Variants in MATN1 observed in about 807,000 individuals in gnomAD.
The protein encoded by MATN1 is matrilin-1.
In MATN1, 34 loss-of-function variants were observed where a neutral mutation model predicts 41.3. The ratio of observed to expected loss-of-function variants is 0.82; its 90% CI spans 0.63 to 1.10. MATN1 has a LOEUF of 1.10. Among genes scored for constraint, MATN1 ranks in the 50% least tolerant of loss-of-function variants. The pLI, the probability that MATN1 is intolerant of heterozygous loss-of-function variation, is 0.00. For missense variants in MATN1, 602 were observed against 662.4 expected, an observed-to-expected ratio of 0.91 and a Z score of 1.00; for synonymous variants, 264 against 278.7, an observed-to-expected ratio of 0.95 and a Z score of 0.53.
At chr1:30,718,058 T>A (rs1329177277) in intron 3 of MATN1, among the ~76,000 whole-genome samples, 2 of 151,926 alleles carry the variant, frequency 1.3e-5, no homozygotes, top group Non-Finnish European at 2.9e-5. Flanking sequence ...CCCCTGGTGC[T>A]GGCACCACCT....
intron 1 of MATN1, 145 bp from the exon 2 acceptor site, chr1:30,721,896 T>C: frequency 1.6e-6 from 1 of 640,078 alleles, no homozygotes; most frequent in Non-Finnish European, 2.7e-6. Flanking sequence ...AGCTGAGCCC[T>C]TTTATCAACA....
chr1:30,714,460 G>T, intron 6 of MATN1, 133 bp from the exon 7 acceptor site: 3 of 706,648 alleles, frequency 4.2e-6, no homozygotes, highest in Non-Finnish European at 5.1e-6. Flanking sequence ...ACCTGAGGAG[G>T]CAGAAAGATA....
rs776268380 is a variant in MATN1, at chr1:30,721,641, C to T, written c.205G>A (p.Glu69Lys). 12 of 1,613,380 alleles carry T rather than the reference C, an allele frequency of 7.4e-6. No individual in the cohort carries two copies. The Admixed American group carries it at 8.3e-5, about 11-fold the overall frequency. Residue 69 changes from glutamate (E) to lysine (K), a missense_variant, in exon 2 of 8, where the codon GAG (glutamate) becomes AAG (lysine). Physicochemically the swap from Glu to Lys is moderately conservative, Grantham distance 56. Transcript: ENST00000373765. ...KVKVFLSQVI[E>K]SLDVGPNATR... ...GCATTGGGCCCCACGTCCAGCGACT[C>T]GATGACCTGGGACAGGAATACCTTC...
At chr1:30,722,648 A>T (rs1459193866) in intron 1 of MATN1, among the ~76,000 whole-genome samples, 2 of 152,218 alleles carry the variant, frequency 1.3e-5, no homozygotes, top group Non-Finnish European at 2.9e-5. Flanking sequence ...GGAAGGTCTC[A>T]CTACAAAGGC....
intron 7 of MATN1, 96 bp from the exon 8 acceptor site, chr1:30,713,727 G>T: frequency 1.1e-6 from 1 of 910,066 alleles, no homozygotes; most frequent in Non-Finnish European, 1.8e-6. Context: ...CCACTACAGC[G>T]TGCATTCTCC....
At chr1:30,723,367 T>G in intron 1 of MATN1, 91 bp downstream of exon 1, 2 of 975,396 alleles carry the variant, frequency 2.1e-6, no homozygotes, top group Admixed American at 3.8e-5. Flanking sequence ...CTGGATCCCG[T>G]GTGCTCCCTG....
chr1:30,722,822 C>T (rs998963825), intron 1 of MATN1, among the ~76,000 whole-genome samples: 1 of 152,184 alleles, frequency 6.6e-6, no homozygotes, highest in Non-Finnish European at 1.5e-5. Flanking sequence ...TAGAAATCAC[C>T]ATGCAGCAGG....
intron 3 of MATN1, among the ~76,000 whole-genome samples, chr1:30,718,061 C>A (rs901592084): frequency 1.6e-4 from 25 of 152,118 alleles, no homozygotes; most frequent in Non-Finnish European, 2.9e-5. Context: ...CTGGTGCTGG[C>A]ACCACCTCAG....
intron 5 of MATN1, 35 bp from the exon 6 acceptor site, chr1:30,715,344 T>C: frequency 6.2e-7 from 1 of 1,610,038 alleles, no homozygotes; most frequent in Non-Finnish European, 8.5e-7. Context: ...AGGCTGGACA[T>C]GGGGATGGGC....
At chr1:30,723,414 G>A (rs1639720510) in intron 1 of MATN1, 44 bp downstream of exon 1, 9 of 1,408,254 alleles carry the variant, frequency 6.4e-6, no homozygotes, top group Non-Finnish European at 8.5e-6. Context: ...TGAGGGTCAG[G>A]GCCCACTAGC....
intron 3 of MATN1, among the ~76,000 whole-genome samples, chr1:30,718,339 C>T (rs1159592085): frequency 1.3e-5 from 2 of 151,880 alleles, no homozygotes; most frequent in Non-Finnish European, 2.9e-5. Context: ...GGCCCTGCCC[C>T]TGGAGCCGAC....
intron 1 of MATN1, among the ~76,000 whole-genome samples, chr1:30,722,893 G>A (rs188555638): frequency 8.5e-5 from 13 of 152,266 alleles, no homozygotes; most frequent in Non-Finnish European, 1.9e-4. Context: ...AGAGGGAAAG[G>A]GAATTGGCCA....
At chr1:30,723,430 A>C (rs1196400874) in intron 1 of MATN1, 28 bp downstream of exon 1, 2 of 1,460,892 alleles carry the variant, frequency 1.4e-6, no homozygotes, top group Admixed American at 2.6e-5. Flanking sequence ...CTAGCTCAGT[A>C]GCCCCCATCT....
chr1:30,715,373 C>T, intron 5 of MATN1, 64 bp from the exon 6 acceptor site: 3 of 1,568,126 alleles, frequency 1.9e-6, no homozygotes, highest in Non-Finnish European at 2.6e-6. Flanking sequence ...GGCTGAGCCT[C>T]CTGGGGAAGG....
At chr1:30,715,081 C>T in intron 6 of MATN1, 76 bp downstream of exon 6, 12 of 1,563,402 alleles carry the variant, frequency 7.7e-6, no homozygotes, top group Non-Finnish European at 9.6e-6. Context: ...CCCACCCACA[C>T]CCAGTTCCAG....
intron 3 of MATN1, among the ~76,000 whole-genome samples, chr1:30,717,998 G>A (rs1639641809): frequency 6.6e-6 from 1 of 152,100 alleles, no homozygotes; most frequent in Admixed American, 6.5e-5. Context: ...CCTTAACCTG[G>A]GGCTGGAGAC....
At chr1:30,721,120 G>A (rs887146158) in intron 2 of MATN1, 6 of 412,864 alleles carry the variant, frequency 1.5e-5, no homozygotes, top group African/African-American at 4.0e-5. Flanking sequence ...TGTCTGCAAT[G>A]TCTTCAAGGG....
chr1:30,717,728 C>T (rs1327674933), intron 3 of MATN1, among the ~76,000 whole-genome samples: 1 of 148,040 alleles, frequency 6.8e-6, no homozygotes, highest in East Asian at 2.0e-4. Flanking sequence ...GATCTCGGCT[C>T]ACTGCAAGCT....
At position 30,716,182 on chromosome 1, in the gene MATN1, C is replaced by A; in HGVS notation, c.934G>T (p.Ala312Ser). The change falls in exon 5 of 8, where the codon GCC (alanine) becomes TCC (serine). Residue 312 changes from alanine to serine, a missense_variant. Transcript: ENST00000373765. ...GAGTACTGCACCAGCCCCACCTGGGCCAGCTTGTCTGACACGTCCAGCGTA... is the reference window on the plus strand; with the variant it reads ...GAGTACTGCACCAGCCCCACCTGGGACAGCTTGTCTGACACGTCCAGCGTA... ...VDTLDVSDKL[A>S]QVGLVQYSSS... 2 of 1,614,196 alleles carry A rather than the reference C, an allele frequency of 1.2e-6. No homozygotes were observed. The highest frequency in any genetic ancestry group is 1.7e-6 in the Non-Finnish European group (2 of 1,180,032).
Sources: allele counts gnomAD v4.1 joint callset (sites outside exome capture counted in the v4.1 genomes callset), GRCh38; gene constraint gnomAD v4.1.1; transcripts MANE v1.5; gene names NCBI Gene and HGNC (gene_info 2026-07-23, HGNC 2026-07-21).